The following TTLL1 variants were observed in gnomAD, a reference collection of about 807,000 sequenced individuals.
TTLL1 encodes the protein polyglutamylase complex subunit TTLL1.
A neutral mutation model predicts 47.8 loss-of-function variants in TTLL1; 33 were observed. The ratio of observed to expected loss-of-function variants is 0.69; its 90% CI spans 0.52 to 0.92. The LOEUF (loss-of-function observed/expected upper bound fraction) is 0.92. TTLL1 is among the 40% of genes least tolerant of loss of function. The pLI, the probability that TTLL1 is intolerant of heterozygous loss-of-function variation, is 0.00. For missense variants in TTLL1, 488 were observed against 547.5 expected (o/e 0.89, Z 1.08); for synonymous variants, 225 against 214.1 (o/e 1.05, Z -0.45).
At chr22:43,049,386 G>T (rs1350088350) in intron 9 of TTLL1, among the ~76,000 whole-genome samples, 3 of 152,024 alleles carry the variant, frequency 2.0e-5, no homozygotes. Flanking sequence ...AGCCAGGAGT[G>T]GTGGCTCATA....
chr22:43,064,413 C>T, intron 5 of TTLL1, 89 bp from the exon 6 acceptor site: 1 of 1,448,644 alleles, frequency 6.9e-7, no homozygotes, highest in Non-Finnish European at 9.3e-7. Context: ...ATAAGCCGGA[C>T]TTCATTAAAA....
intron 9 of TTLL1, among the ~76,000 whole-genome samples, chr22:43,050,524 T>G (rs201681845): frequency 6.5e-4 from 95 of 145,950 alleles, no homozygotes; most frequent in Non-Finnish European, 4.5e-4. Context: ...TTTTTTTTTT[T>G]GTTTGTTTGT....
At chr22:43,067,586 C>G (rs556153571) in intron 5 of TTLL1, among the ~76,000 whole-genome samples, 1 of 152,142 alleles carries the variant, frequency 6.6e-6, no homozygotes, top group African/African-American at 2.4e-5. Flanking sequence ...ACTAATCACA[C>G]GAAGACAACC....
intron 8 of TTLL1, among the ~76,000 whole-genome samples, chr22:43,058,463 ACGCTGCTGGAAGT>A (rs1321817800): frequency 6.6e-6 from 1 of 152,196 alleles, no homozygotes; most frequent in Non-Finnish European, 1.5e-5. Context: ...CACAGACAAG[ACGCTGCTGGAAGT>A]CCATCTCCAA....
intron 1 of TTLL1, among the ~76,000 whole-genome samples, chr22:43,088,139 G>A (rs1024623894): frequency 5.3e-5 from 8 of 151,614 alleles, no homozygotes; most frequent in African/African-American, 1.5e-4. Context: ...GCAAGACTCC[G>A]TCTAAAAATA....
chr22:43,081,846 C>CTT (rs58743481), intron 1 of TTLL1, among the ~76,000 whole-genome samples: 6 of 56,434 alleles, frequency 1.1e-4, no homozygotes, highest in African/African-American at 2.5e-4. Context: ...CACACCTGGC[C>CTT]TTTTTTTTTT....
intron 1 of TTLL1, among the ~76,000 whole-genome samples, chr22:43,083,872 GA>G (rs1399754329): frequency 4.6e-5 from 7 of 151,586 alleles, no homozygotes; most frequent in East Asian, 1.9e-4. Context: ...AATTAATCAA[GA>G]AAAAAAATGA....
intron 1 of TTLL1, among the ~76,000 whole-genome samples, chr22:43,083,025 A>AAAT (rs34036244): frequency 0.61 from 90,404 of 148,204 alleles, 31,167 homozygotes; most frequent in Middle Eastern, 0.8. Context: ...AAAAATAATA[A>AAAT]AATAATAATA....
intron 3 of TTLL1, among the ~76,000 whole-genome samples, chr22:43,071,643 CA>C (rs1928131504): frequency 1.3e-5 from 2 of 152,182 alleles, no homozygotes; most frequent in Admixed American, 6.5e-5. Flanking sequence ...CTCCTGACCT[CA>C]GGTGATCTGC....
Position 43,042,464 on chromosome 22 carries a change from G to A in TTLL1, c.1143-2559C>T, listed in dbSNP as rs375452075. 7.2e-5 allele frequency among the ~76,000 whole-genome samples: 11 copies of A among 152,302 alleles called. 1 individual carries two copies. Among genetic ancestry groups the A allele is most frequent in the African/African-American group, 2.2e-4 (9 of 41,576 alleles). ...ACAGAAACAATCTAGTCACTGTTAG[G>A]GTTTTTTAAAGGCTGTAAAAGTACA... is the stretch of plus-strand genomic sequence containing the variant. On this transcript the variant is annotated intron_variant, in intron 10 of 10. Coordinates refer to ENST00000266254, the MANE Select transcript of TTLL1 (RefSeq NM_012263.5).
chr22:43,061,198 AATAATC>A (rs1927369248), intron 7 of TTLL1, among the ~76,000 whole-genome samples: 2 of 152,076 alleles, frequency 1.3e-5, no homozygotes, highest in Non-Finnish European at 2.9e-5. Context: ...TAAAAAAACT[AATAATC>A]ATAAATACAT....
intron 2 of TTLL1, among the ~76,000 whole-genome samples, chr22:43,078,869 G>T (rs1165334625): frequency 1.4e-5 from 2 of 143,168 alleles, no homozygotes; most frequent in Admixed American, 1.5e-4. Context: ...ACAGACACGG[G>T]GACCACGGGA....
chr22:43,062,235 C>T (rs955462978), intron 7 of TTLL1, among the ~76,000 whole-genome samples: 2 of 152,154 alleles, frequency 1.3e-5, no homozygotes, highest in African/African-American at 4.8e-5. Context: ...GCTCACACCT[C>T]TAATCCCAGC....
intron 2 of TTLL1, among the ~76,000 whole-genome samples, chr22:43,076,671 A>G (rs576960001): frequency 1.9e-4 from 29 of 151,238 alleles, no homozygotes; most frequent in Non-Finnish European, 3.4e-4. Context: ...GAATCACTTG[A>G]ACCTGGGAGG....
chr22:43,063,980 C>T, intron 6 of TTLL1, 59 bp from the exon 7 acceptor site: 7 of 1,560,900 alleles, frequency 4.5e-6, no homozygotes, highest in East Asian at 2.2e-5. Context: ...AAAGACACCA[C>T]TTCATTCTCT....
chr22:43,078,931 G>A (rs112889641), intron 2 of TTLL1, among the ~76,000 whole-genome samples: 43 of 109,982 alleles, frequency 3.9e-4, no homozygotes, highest in African/African-American at 1.4e-3. Context: ...CCACAGACAC[G>A]GGGACCACGG....
In TTLL1 at chr22:43,039,569, TAAA is replaced by T. The variant is rs36120119; in HGVS notation, c.*204_*206del. 4 of 416,504 alleles carry T rather than the reference TAAA, an allele frequency of 9.6e-6. No homozygotes were observed. Among genetic ancestry groups the T allele is most frequent in the Non-Finnish European group, 1.1e-5 (3 of 272,502 alleles). The allele number at this position is 416,504 out of a possible 1,614,324, so 25.8% of individuals were successfully genotyped here. ...TGAAAATTCTGCTTAGGTTAAAAATTAAAAAAAAAAGAGCGAGTTTTATACATC... is the reference window on the plus strand; with the variant it reads ...TGAAAATTCTGCTTAGGTTAAAAATTAAAAAAAGAGCGAGTTTTATACATC... On this transcript the variant is annotated 3_prime_UTR_variant, in exon 11 of 11. Coordinates refer to ENST00000266254, the MANE Select transcript of TTLL1 (RefSeq NM_012263.5).
At chr22:43,070,015 C>T (rs962900033) in intron 3 of TTLL1, among the ~76,000 whole-genome samples, 171 bp from the exon 4 acceptor site, 5 of 152,172 alleles carry the variant, frequency 3.3e-5, no homozygotes, top group African/African-American at 1.2e-4. Context: ...GAATGGGTGC[C>T]CAGGGACAGG....
At chr22:43,070,819 T>C (rs1028858980) in intron 3 of TTLL1, among the ~76,000 whole-genome samples, 55 of 152,312 alleles carry the variant, frequency 3.6e-4, no homozygotes, top group African/African-American at 1.3e-3. Flanking sequence ...AGCATTTCTG[T>C]AAGATTCTCT....
Sources: gnomAD v4.1 joint callset for allele counts (sites outside exome capture counted in the v4.1 genomes callset) on GRCh38, gnomAD v4.1.1 for gene constraint, MANE v1.5 for transcripts, NCBI Gene and HGNC (gene_info 2026-07-23, HGNC 2026-07-21) for gene names.